Variants in IL1RAPL1 observed in about 807,000 individuals in gnomAD.
The protein encoded by IL1RAPL1 is interleukin 1 receptor accessory protein like 1, also known as interleukin-1 receptor accessory protein-like 1.
Under a neutral mutation model 48.4 loss-of-function variants are expected in IL1RAPL1, and 3 were observed. That is an observed-to-expected ratio of 0.06 (90% CI 0.03 to 0.16). The LOEUF is 0.16. Among genes scored for constraint, IL1RAPL1 ranks in the 10% least tolerant of loss-of-function variants. IL1RAPL1 has a pLI of 1.00. For missense variants in IL1RAPL1, 349 were observed against 530.6 expected, an observed-to-expected ratio of 0.66 and a Z score of 3.36; for synonymous variants, 185 against 187.7, an observed-to-expected ratio of 0.99 and a Z score of 0.12.
intron 2 of IL1RAPL1, among the ~76,000 whole-genome samples, chrX:29,085,508 C>T (rs1334927550): frequency 8.9e-6 from 1 of 111,891 alleles, no homozygotes; most frequent in Non-Finnish European, 1.9e-5. Context: ...TCCCATTTTA[C>T]AGTTAGGGAA....
At chrX:29,380,526 C>T (rs772933452) in intron 3 of IL1RAPL1, among the ~76,000 whole-genome samples, 73 of 112,316 alleles carry the variant, frequency 6.5e-4, no homozygotes, top group Non-Finnish European at 6.6e-4. Flanking sequence ...TGTACCTGGC[C>T]ATTGTTGAAG....
chrX:28,948,377 T>C (rs1398061228), intron 2 of IL1RAPL1, among the ~76,000 whole-genome samples: 1 of 110,957 alleles, frequency 9.0e-6, no homozygotes, highest in Non-Finnish European at 1.9e-5. Context: ...TTTTTGACCC[T>C]CTTCTTTAGA....
chrX:29,819,675 T>C (rs1388264868), intron 6 of IL1RAPL1, among the ~76,000 whole-genome samples: 2 of 110,119 alleles, frequency 1.8e-5, no homozygotes, highest in African/African-American at 3.3e-5. Context: ...GATAAACTTA[T>C]ATTTCCGAAA....
chrX:29,050,990 G>T (rs893899545), intron 2 of IL1RAPL1, among the ~76,000 whole-genome samples: 1 of 112,217 alleles, frequency 8.9e-6, no homozygotes, highest in Non-Finnish European at 1.9e-5. Context: ...TATACTACAG[G>T]AATAATATCT....
At chrX:29,182,321 A>C (rs764701949) in intron 2 of IL1RAPL1, among the ~76,000 whole-genome samples, 6 of 112,150 alleles carry the variant, frequency 5.3e-5, no homozygotes, top group South Asian at 3.7e-4. Context: ...CAAAGGAAAA[A>C]ATAAGTTTTG....
rs1249849645 is a variant in IL1RAPL1 at position 28,722,263 on chromosome X, T to A, written c.-24-67057T>A. Among the ~76,000 whole-genome samples, 4 of 111,625 alleles carry A rather than the reference T, an allele frequency of 3.6e-5. No homozygotes were observed. In the East Asian group the frequency reaches 1.1e-3, roughly 32 times the overall value. ...TCTTCCATTTGTTTGTATCCTCTTT[T>A]ATTTCATTGAGCAGTGGTTTGTAGT... On this transcript the variant is annotated intron_variant, in intron 1 of 10. Transcript: ENST00000378993.
chrX:28,768,711 C>CTG (rs1569168401), intron 1 of IL1RAPL1, among the ~76,000 whole-genome samples: 880 of 67,588 alleles, frequency 0.013, 25 homozygotes, highest in East Asian at 0.017. Flanking sequence ...GTTTCTCTCT[C>CTG]TCTCTCTCTC....
chrX:28,958,377 C>G (rs1924673919), intron 2 of IL1RAPL1, among the ~76,000 whole-genome samples: 1 of 111,626 alleles, frequency 9.0e-6, no homozygotes, highest in South Asian at 3.8e-4. Flanking sequence ...CTGTACACAT[C>G]TGATTATGAG....
chrX:29,051,021 A>G (rs1414314486), intron 2 of IL1RAPL1, among the ~76,000 whole-genome samples: 3 of 112,406 alleles, frequency 2.7e-5, no homozygotes, highest in Non-Finnish European at 5.6e-5. Flanking sequence ...CCATAGAAAA[A>G]CATTCCAAAA....
intron 2 of IL1RAPL1, among the ~76,000 whole-genome samples, chrX:29,033,632 A>G (rs1926667956): frequency 9.0e-6 from 1 of 111,406 alleles, no homozygotes; most frequent in African/African-American, 3.3e-5. Context: ...CCGCTGTTCC[A>G]TATCTAGGAA....
intron 1 of IL1RAPL1, among the ~76,000 whole-genome samples, chrX:28,704,842 A>AC (rs1246252117): frequency 1.1e-4 from 12 of 105,634 alleles, no homozygotes; most frequent in Non-Finnish European, 2.3e-4. Context: ...AAAAAAAAAA[A>AC]AAAAAAACTG....
chrX:29,677,194 C>G (rs1420424055), intron 6 of IL1RAPL1, among the ~76,000 whole-genome samples: 1 of 112,005 alleles, frequency 8.9e-6, no homozygotes, highest in Non-Finnish European at 1.9e-5. Flanking sequence ...TATGCAGACT[C>G]TCCATGAAAA....
intron 5 of IL1RAPL1, among the ~76,000 whole-genome samples, chrX:29,459,938 A>G (rs1032410153): frequency 6.3e-5 from 7 of 111,577 alleles, no homozygotes; most frequent in African/African-American, 2.0e-4. Flanking sequence ...CTACCATTCT[A>G]TTCTCTGCTT....
At chrX:28,895,420 T>C (rs1253060575) in intron 2 of IL1RAPL1, among the ~76,000 whole-genome samples, 1 of 101,810 alleles carries the variant, frequency 9.8e-6, no homozygotes, top group Non-Finnish European at 2.0e-5. Context: ...GGGTGCATGA[T>C]CGGTCTCCAA....
At chrX:28,789,291 G>A in intron 1 of IL1RAPL1, 29 bp from the exon 2 acceptor site, 1 of 911,658 alleles carries the variant, frequency 1.1e-6, no homozygotes, top group South Asian at 2.0e-5. Flanking sequence ...AAACATGTAT[G>A]TTTTTCTTCT....
chrX:29,574,018 A>G (rs1243037677), intron 5 of IL1RAPL1, among the ~76,000 whole-genome samples: 1 of 110,742 alleles, frequency 9.0e-6, no homozygotes, highest in Admixed American at 9.7e-5. Context: ...ACATTGCTAT[A>G]AAGAACTACC....
intron 2 of IL1RAPL1, among the ~76,000 whole-genome samples, chrX:29,273,988 C>A (rs1056175656): frequency 9.0e-6 from 1 of 111,554 alleles, no homozygotes; most frequent in Non-Finnish European, 1.9e-5. Context: ...GTAAATTATG[C>A]CTCAATACAG....
At chrX:29,444,393 A>AATGGAAGAAT (rs1244818132) in intron 5 of IL1RAPL1, among the ~76,000 whole-genome samples, 1 of 109,296 alleles carries the variant, frequency 9.1e-6, no homozygotes, top group Non-Finnish European at 1.9e-5. Context: ...TGCATACAGA[A>AATGGAAGAAT]ATGGAAGAAT....
intron 6 of IL1RAPL1, among the ~76,000 whole-genome samples, chrX:29,767,257 A>G: frequency 8.9e-6 from 1 of 112,219 alleles, no homozygotes; most frequent in Non-Finnish European, 1.9e-5. Context: ...GTCGTTGTTA[A>G]GGACTTGATA....
Sources: gnomAD v4.1 joint callset for allele counts (sites outside exome capture counted in the v4.1 genomes callset) on GRCh38, gnomAD v4.1.1 for gene constraint, MANE v1.5 for transcripts, NCBI Gene and HGNC (gene_info 2026-07-23, HGNC 2026-07-21) for gene names.